The following CD22 variants were observed in gnomAD, a reference collection of about 807,000 sequenced individuals.
CD22 encodes the protein B-cell receptor CD22.
Under a neutral mutation model 94.7 loss-of-function variants are expected in CD22, and 51 were observed. That is an observed-to-expected ratio of 0.54 (90% confidence interval 0.43 to 0.68). The LOEUF is 0.68. CD22 is among the 30% of genes least tolerant of loss of function. The pLI is 0.00. For missense variants in CD22, 931 were observed against 1,060.4 expected (o/e 0.88, Z 1.69); for synonymous variants, 424 against 422.5 (o/e 1.00, Z -0.04).
At position 35,332,647 on chromosome 19, in the gene CD22, C is replaced by G. The variant is rs1375269280; in HGVS notation, c.135C>G (p.Thr45=). 2 of 1,614,096 alleles carry G rather than the reference C, an allele frequency of 1.2e-6. No homozygotes were observed. The highest frequency in any genetic ancestry group is 2.2e-5 in the South Asian group (2 of 91,074). The change falls in exon 3 of 14, where the codon ACC becomes ACG. Residue 45 remains threonine (T), a synonymous_variant. Coordinates refer to ENST00000085219, the MANE Select transcript of CD22 (RefSeq NM_001771.4). ...WEGACVWIPC[T]YRALDGDLES... ...GGGCCTGCGTCTGGATCCCCTGCAC[C>G]TACAGAGCCCTAGATGGTGACCTGG...
chr19:35,336,285 T>TTCAGGATGCATCCCA lies in CD22; in HGVS notation c.672_673insTCCCATCAGGATGCA (p.Ala224_Asp225insSerHisGlnAspAla), dbSNP rs1170752819. ...CATGGGAAGATTGTGACCTGCCAGC[T>TTCAGGATGCATCCCA]TCAGGATGCAGATGGGAAGTTCCTC... On this transcript the variant is annotated inframe_insertion, in exon 4 of 14. Coordinates refer to ENST00000085219, the MANE Select transcript of CD22 (RefSeq NM_001771.4). 1.2e-6 allele frequency: 2 copies of TTCAGGATGCATCCCA among 1,614,210 alleles called. No homozygotes were observed. The highest frequency in any genetic ancestry group is 1.7e-6 in the Non-Finnish European group (2 of 1,180,030).
rs1360389951 is a variant in CD22, at chr19:35,346,806, ACACACACACACG to A, written c.*121_*132del. 2.6e-5 allele frequency: 24 copies of A among 930,956 alleles called. No homozygotes were observed. Among genetic ancestry groups the A allele is most frequent in the Middle Eastern group, 6.8e-4 (2 of 2,936 alleles). 57.7% of individuals were successfully genotyped at this position (930,956 alleles called of 1,614,324 possible). A position where few individuals can be genotyped will look rare whatever the true frequency, so the allele number is the denominator to read the frequency against. On this transcript the variant is annotated 3_prime_UTR_variant, in exon 14 of 14. Coordinates refer to ENST00000085219, the MANE Select transcript of CD22 (RefSeq NM_001771.4). Reference sequence around the variant, plus strand: ...TCCTCCTGCGCGCATGTGCGCACACACACACACACACGCACACACACACACACACACTCACTG... The same window carrying A: ...TCCTCCTGCGCGCATGTGCGCACACACACACACACACACACACACTCACTG...
At position 35,341,477 on chromosome 19, in the gene CD22, A is replaced by G; in HGVS notation, c.1642A>G (p.Arg548Gly). ...CCAGTTCTTCTGGGAGAAAAATGGC[A>G]GGCTTCTGGGGAAAGAAAGCCAGCT... ...EVQFFWEKNGRLLGKESQLNF... is the reference protein window; with the variant it reads ...EVQFFWEKNGGLLGKESQLNF... Residue 548 changes from arginine to glycine, a missense_variant, in exon 8 of 14, where the codon AGG (arginine) becomes GGG (glycine). Arg to Gly is a moderately radical substitution (Grantham distance 125). Coordinates refer to ENST00000085219, the MANE Select transcript of CD22 (RefSeq NM_001771.4). The surrounding 1 kb of genome is among the most constrained non-coding windows in gnomAD (Gnocchi z 4.0). 1 of 1,614,172 alleles carries G rather than the reference A, an allele frequency of 6.2e-7. No individual in the cohort carries two copies. Among genetic ancestry groups the G allele is most frequent in the Non-Finnish European group, 8.5e-7 (1 of 1,180,016 alleles).
At chr19:35,342,007 G>GTCCTTCCTTCCT (rs71167534) in intron 9 of CD22, 42 bp downstream of exon 9, 11,408 of 1,028,714 alleles carry the variant, frequency 0.011, 169 homozygotes, top group Non-Finnish European at 0.011. Flanking sequence ...GTGGTGGTCA[G>GTCCTTCCTTCCT]TCCTTCCTTC....
chr19:35,338,113 C>T, intron 5 of CD22, 55 bp from the exon 6 acceptor site: 1 of 1,577,810 alleles, frequency 6.3e-7, no homozygotes, highest in South Asian at 1.2e-5. Flanking sequence ...GGGCCGTGTG[C>T]ACAGGTTGGG....
rs1568493746 is a variant in CD22 at position 35,346,802 on chromosome 19, ACACACACACACACACG to A, written c.*121_*136del. 5 of 734,682 alleles carry A rather than the reference ACACACACACACACACG, an allele frequency of 6.8e-6. No homozygotes were observed. The highest frequency in any genetic ancestry group is 8.0e-6 in the Non-Finnish European group (4 of 500,354). The allele number at this position is 734,682 out of a possible 1,614,324, so 45.5% of individuals were successfully genotyped here. A position where few individuals can be genotyped will look rare whatever the true frequency, so the allele number is the denominator to read the frequency against. ...GGCTTCCTCCTGCGCGCATGTGCGC[ACACACACACACACACG>A]CACACACACACACACACACTCACTG... On this transcript the variant is annotated 3_prime_UTR_variant, in exon 14 of 14. Transcript: ENST00000085219.
In CD22 at chr19:35,346,652, G is replaced by A; in HGVS notation, c.2499G>A (p.Arg833=). The A allele has an allele frequency of 6.2e-7, 1 of 1,608,602 alleles. No individual in the cohort carries two copies. Among genetic ancestry groups the A allele is most frequent in the Non-Finnish European group, 8.5e-7 (1 of 1,177,432 alleles). The change falls in exon 14 of 14, where the codon CGG becomes CGA. Residue 833 remains arginine, a synonymous_variant. Coordinates refer to ENST00000085219, the MANE Select transcript of CD22 (RefSeq NM_001771.4). ...SELIQFGVGE[R]PQAQENVDYV... is the part of the protein sequence containing the mutation. ...TGATCCAGTTTGGGGTCGGGGAGCG[G>A]CCTCAGGCACAAGAAAATGTGGACT...
intron 3 of CD22, among the ~76,000 whole-genome samples, chr19:35,335,418 G>A (rs2145654680): frequency 6.6e-6 from 1 of 152,224 alleles, no homozygotes; most frequent in South Asian, 2.1e-4. Context: ...CTAGCTAGGT[G>A]TGGTGGCACA....
At chr19:35,339,309 C>T (rs2066771891) in intron 6 of CD22, among the ~76,000 whole-genome samples, 1 of 151,980 alleles carries the variant, frequency 6.6e-6, no homozygotes. Context: ...CACTTGTAAT[C>T]CCAGCACTTT....
In CD22 at chr19:35,338,382, C is replaced by T. The variant is rs1006749463; in HGVS notation, c.1200C>T (p.Asn400=). 8 of 1,614,210 alleles carry T rather than the reference C, an allele frequency of 5.0e-6. 1 individual carries two copies. In the African/African-American group the frequency reaches 8.0e-5, roughly 16 times the overall value. ...GGACTTATTCCTGTGTGGCAGAAAA[C>T]ATTCTTGGTACTGGACAGAGGGGCC... ...HAGTYSCVAE[N]ILGTGQRGPG... The change falls in exon 6 of 14, where the codon AAC becomes AAT. Residue 400 remains asparagine, a synonymous_variant. Coordinates refer to ENST00000085219, the MANE Select transcript of CD22 (RefSeq NM_001771.4).
rs534611468 is a variant in CD22 at position 35,347,277 on chromosome 19, G to C, written c.*580G>C. ...GGCCCCTTGACTCTGGGGACTCCGG[G>C]TTTGAGATGGACACACTGGTGTGGA... is the stretch of plus-strand genomic sequence containing the variant. On this transcript the variant is annotated 3_prime_UTR_variant, in exon 14 of 14. Coordinates refer to ENST00000085219, the MANE Select transcript of CD22 (RefSeq NM_001771.4). 1 of 152,740 alleles carries C rather than the reference G, an allele frequency of 6.5e-6. No homozygotes were observed. The highest frequency in any genetic ancestry group is 2.4e-5 in the African/African-American group (1 of 41,434). The allele number at this position is 152,740 out of a possible 1,614,324, so 9.5% of individuals were successfully genotyped here.
rs897246513 is a variant in CD22, at chr19:35,341,196, T to A, written c.1507+58T>A. 2 of 1,609,314 alleles carry A rather than the reference T, an allele frequency of 1.2e-6. No individual in the cohort carries two copies. Among genetic ancestry groups the A allele is most frequent in the Non-Finnish European group, 1.7e-6 (2 of 1,176,594 alleles). On this transcript the variant is annotated intron_variant, in intron 7 of 13. Transcript: ENST00000085219. The surrounding 1 kb of genome is among the most constrained non-coding windows in gnomAD (Gnocchi z 4.0). ...AGGTGGCCCGGCTGGGATGAGGGGA[T>A]GAAGGCAACGAGGCCGGAGCCTGGG...
chr19:35,345,445 A>T (rs1015290869), intron 11 of CD22, 157 bp from the exon 12 acceptor site: 19 of 515,864 alleles, frequency 3.7e-5, no homozygotes, highest in Admixed American at 6.8e-5. Context: ...AAAAAAAAAA[A>T]GGGTAGGCAT....
At chr19:35,331,902 C>A in intron 1 of CD22, 117 bp from the exon 2 acceptor site, 2 of 1,570,314 alleles carry the variant, frequency 1.3e-6, no homozygotes, top group Non-Finnish European at 1.7e-6. Flanking sequence ...CATAATGCAA[C>A]CAGACCCGGT....
chr19:35,346,167 G>A lies in CD22; in HGVS notation c.2344G>A (p.Glu782Lys). The A allele has an allele frequency of 6.2e-7, 1 of 1,613,834 alleles. No individual in the cohort carries two copies. Among genetic ancestry groups the A allele is most frequent in the South Asian group, 1.1e-5 (1 of 91,084 alleles). ...GTCTCTCAGAGATGCAGAGTCCTCA[G>A]AGATGCAGAGACCTCCCCCGGACTG... is the stretch of plus-strand genomic sequence containing the variant. ...IPRTGDAESS[E>K]MQRPPPDCDD... Residue 782 changes from glutamate to lysine, a missense_variant, in exon 13 of 14, where the codon GAG (glutamate) becomes AAG (lysine). Physicochemically the swap from Glu to Lys is moderately conservative, Grantham distance 56. Coordinates refer to ENST00000085219, the MANE Select transcript of CD22 (RefSeq NM_001771.4).
At chr19:35,333,191 G>A (rs2066670146) in intron 3 of CD22, 1 of 473,380 alleles carries the variant, frequency 2.1e-6, no homozygotes, top group South Asian at 3.5e-5. Flanking sequence ...TTCTCACCAT[G>A]TATTTTTCAG....
Position 35,346,664 on chromosome 19 carries a change from A to G in CD22, c.2511A>G (p.Gln837=), listed in dbSNP as rs779524132. ...GGGTCGGGGAGCGGCCTCAGGCACA[A>G]GAAAATGTGGACTATGTGATCCTCA... The part of the protein sequence containing the change: ...QFGVGERPQA[Q]ENVDYVILKH Residue 837 remains glutamine (Q), a synonymous_variant, in exon 14 of 14, where the codon CAA becomes CAG. Coordinates refer to ENST00000085219, the MANE Select transcript of CD22 (RefSeq NM_001771.4). The G allele has an allele frequency of 1.2e-6, 2 of 1,610,210 alleles. No individual in the cohort carries two copies. The highest frequency in any genetic ancestry group is 1.7e-6 in the Non-Finnish European group (2 of 1,178,244).
At chr19:35,346,437 T>C in intron 13 of CD22, 129 bp from the exon 14 acceptor site, 1 of 1,331,216 alleles carries the variant, frequency 7.5e-7, no homozygotes, top group Non-Finnish European at 1.0e-6. Flanking sequence ...CCACAGCCAG[T>C]TTCCTGACAC....
At chr19:35,345,540 C>A in intron 11 of CD22, 62 bp from the exon 12 acceptor site, 1 of 1,039,660 alleles carries the variant, frequency 9.6e-7, no homozygotes, top group South Asian at 1.4e-5. Flanking sequence ...TGTCAGAGGC[C>A]AGGGAAGGGG....
Sources: gnomAD v4.1 joint callset for allele counts (sites outside exome capture counted in the v4.1 genomes callset) on GRCh38, gnomAD v4.1.1 for gene constraint, Gnocchi (gnomAD v3.1) non-coding constraint, MANE v1.5 for transcripts, NCBI Gene and HGNC (gene_info 2026-07-23, HGNC 2026-07-21) for gene names.